Variants in PDIA6 observed in about 807,000 individuals in gnomAD.
PDIA6 encodes protein disulfide-isomerase A6.
Under a neutral mutation model 58.4 loss-of-function variants are expected in PDIA6, and 29 were observed. That is an observed-to-expected ratio of 0.50 (90% CI 0.37 to 0.68). The LOEUF (loss-of-function observed/expected upper bound fraction) is 0.68. PDIA6 is among the 30% of genes least tolerant of loss of function. The pLI is 0.00. For synonymous variants in PDIA6, 192 were observed against 202.6 expected, an observed-to-expected ratio of 0.95 and a Z score of 0.44; for missense variants, 480 against 551.0, an observed-to-expected ratio of 0.87 and a Z score of 1.29.
chr2:10,837,453 A>G (rs189572404), upstream of PDIA6: 4 of 661,966 alleles, frequency 6.0e-6, no homozygotes, highest in African/African-American at 1.8e-5. Flanking sequence ...AAAAAATAAG[A>G]TGAAGCCAGG....
intron 1 of PDIA6, among the ~76,000 whole-genome samples, chr2:10,811,501 AACAGAAAGACATGT>A (rs6146627): frequency 0.49 from 74,045 of 151,976 alleles, 19,572 homozygotes; most frequent in South Asian, 0.58. Context: ...TGTCTCAAAA[AACAGAAAGACATGT>A]ACTAACTCAT....
At chr2:10,818,544 G>T (rs1667283865) in intron 2 of PDIA6, among the ~76,000 whole-genome samples, 1 of 147,028 alleles carries the variant, frequency 6.8e-6, no homozygotes, top group Non-Finnish European at 1.5e-5. Context: ...ATTTTGAGAT[G>T]GAGTTTTGCT....
At position 10,783,398 on chromosome 2, in the gene PDIA6, C is replaced by G; in HGVS notation, c.*860G>C. On this transcript the variant is annotated 3_prime_UTR_variant, in exon 13 of 13. Coordinates refer to ENST00000272227, the MANE Select transcript of PDIA6 (RefSeq NM_005742.4). Reference sequence around the variant, plus strand: ...AGAAATTGCTCACAAAAGTTAGTGACAGTTGTATTTATTTTTTTAAGTTAC... The same window carrying G: ...AGAAATTGCTCACAAAAGTTAGTGAGAGTTGTATTTATTTTTTTAAGTTAC... 3 of 549,316 alleles carry G rather than the reference C, an allele frequency of 5.5e-6. No homozygotes were observed. Among genetic ancestry groups the G allele is most frequent in the Non-Finnish European group, 9.5e-6 (3 of 314,438 alleles). The allele number at this position is 549,316 out of a possible 1,614,324, so 34.0% of individuals were successfully genotyped here. A position where few individuals can be genotyped will look rare whatever the true frequency, so the allele number is the denominator to read the frequency against.
At chr2:10,789,558 A>G (rs1369793338) in intron 8 of PDIA6, among the ~76,000 whole-genome samples, 191 bp downstream of exon 8, 1 of 152,252 alleles carries the variant, frequency 6.6e-6, no homozygotes, top group Non-Finnish European at 1.5e-5. Flanking sequence ...ATTTCTGTTC[A>G]GTGTAATTAT....
At chr2:10,789,032 C>T (rs1474743023) in intron 8 of PDIA6, 51 bp from the exon 9 acceptor site, 3 of 1,348,354 alleles carry the variant, frequency 2.2e-6, no homozygotes, top group African/African-American at 1.4e-5. Flanking sequence ...TGATACAACA[C>T]CTAAAGGTAA....
upstream of PDIA6, chr2:10,812,949 G>T: frequency 1.5e-6 from 1 of 660,514 alleles, no homozygotes; most frequent in Non-Finnish European, 2.0e-6. Flanking sequence ...TTTTTTCACG[G>T]GGGCGGTGGC....
rs374022437 is a variant in PDIA6 at position 10,786,539 on chromosome 2, C to A, written c.1157+742G>T. On this transcript the variant is annotated intron_variant, in intron 11 of 12. Transcript: ENST00000272227. ...CACACAGCACACACACACGTCTCCACACAGCACACAAACTTCTGTGTCAAG... is the reference window on the plus strand; with the variant it reads ...CACACAGCACACACACACGTCTCCAAACAGCACACAAACTTCTGTGTCAAG... Among the ~76,000 whole-genome samples the A allele has an allele frequency of 3.1e-4, 44 of 143,234 alleles. No individual in the cohort carries two copies. In the East Asian group the frequency reaches 4.1e-3, roughly 13 times the overall value. 94.0% of individuals were successfully genotyped at this position (143,234 alleles called of 152,430 possible). A position where few individuals can be genotyped will look rare whatever the true frequency, so the allele number is the denominator to read the frequency against.
upstream of PDIA6, among the ~76,000 whole-genome samples, chr2:10,836,861 G>A (rs978782912): frequency 7.2e-5 from 11 of 152,166 alleles, no homozygotes; most frequent in African/African-American, 2.7e-4. Context: ...AGCAGACAGG[G>A]TTATGGGGAC....
rs535212030 is a variant in PDIA6, at chr2:10,790,691, A to G, written c.699+28T>C. 246 of 1,490,208 alleles carry G rather than the reference A, an allele frequency of 1.7e-4. 4 individuals are homozygous for G. The South Asian group carries it at 2.6e-3, about 16-fold the overall frequency. The allele number at this position is 1,490,208 out of a possible 1,614,324, so 92.3% of individuals were successfully genotyped here. A position where few individuals can be genotyped will look rare whatever the true frequency, so the allele number is the denominator to read the frequency against. The stretch of plus-strand genomic sequence containing the variant: ...GTAACGAAACACCATGTATTTCACA[A>G]TGAAATGAGCCTTATAAGTATACTC... On this transcript the variant is annotated intron_variant, in intron 7 of 12. Transcript: ENST00000272227.
chr2:10,803,813 T>C (rs1361556726), intron 1 of PDIA6, among the ~76,000 whole-genome samples: 1 of 152,052 alleles, frequency 6.6e-6, no homozygotes, highest in Non-Finnish European at 1.5e-5. Context: ...CTGTGGATTA[T>C]AATGGAGCTT....
At chr2:10,820,923 G>T (rs917918434) in intron 1 of PDIA6, 2 of 695,800 alleles carry the variant, frequency 2.9e-6, no homozygotes, top group Non-Finnish European at 5.3e-6. Context: ...AGCGTCCTAA[G>T]AGTCAGGAAG....
intron 5 of PDIA6, 93 bp from the exon 6 acceptor site, chr2:10,792,018 G>T: frequency 7.6e-7 from 1 of 1,320,150 alleles, no homozygotes; most frequent in Non-Finnish European, 1.0e-6. Flanking sequence ...TCTTAACAAA[G>T]TTTTAGGGTT....
upstream of PDIA6, among the ~76,000 whole-genome samples, chr2:10,816,907 A>T (rs931696150): frequency 1.3e-5 from 2 of 152,218 alleles, no homozygotes; most frequent in Non-Finnish European, 2.9e-5. Flanking sequence ...TGCTTGGCAC[A>T]CTATAGGCTT....
chr2:10,788,571 A>AAG, intron 10 of PDIA6, 126 bp downstream of exon 10: 1 of 687,784 alleles, frequency 1.5e-6, no homozygotes, highest in East Asian at 2.6e-5. Flanking sequence ...CAGGAGGGAA[A>AAG]AAAAAAAAAA....
chr2:10,796,831 G>A (rs1031746876), intron 4 of PDIA6, among the ~76,000 whole-genome samples: 2 of 152,212 alleles, frequency 1.3e-5, no homozygotes, highest in Non-Finnish European at 2.9e-5. Flanking sequence ...GGGTAGCACA[G>A]AACACTATTT....
rs1052045164 is a variant in PDIA6 at position 10,831,941 on chromosome 2, G to A, written c.-48+261C>T. Among the ~76,000 whole-genome samples, 5 of 142,892 alleles carry A rather than the reference G, an allele frequency of 3.5e-5. No individual in the cohort carries two copies. In the East Asian group the frequency reaches 1.1e-3, roughly 31 times the overall value. The allele number at this position is 142,892 out of a possible 152,430, so 93.7% of individuals were successfully genotyped here. On this transcript the variant is annotated intron_variant, in intron 1 of 13. Coordinates refer to the PDIA6 transcript ENST00000381611. The stretch of plus-strand genomic sequence containing the variant: ...TCTGCTGGGCGCTGAGGGCAGAGGC[G>A]GGCAAGCCAGGGTCCCCTGGAGCTA...
upstream of PDIA6, chr2:10,832,567 A>G: frequency 3.6e-6 from 1 of 278,482 alleles, no homozygotes; most frequent in Non-Finnish European, 5.4e-6. Context: ...GTGGGATTTG[A>G]GCTGTGCGCT....
chr2:10,805,111 A>T (rs1425303493), intron 1 of PDIA6, among the ~76,000 whole-genome samples: 3 of 151,264 alleles, frequency 2.0e-5, no homozygotes, highest in African/African-American at 7.3e-5. Context: ...CTACCATCAG[A>T]GTGAACAGGC....
intron 5 of PDIA6, among the ~76,000 whole-genome samples, chr2:10,792,692 C>T (rs1390245805): frequency 6.6e-6 from 1 of 152,022 alleles, no homozygotes. Context: ...GTAGAATTTT[C>T]CATGGATTTG....
Sources: allele counts gnomAD v4.1 joint callset (sites outside exome capture counted in the v4.1 genomes callset), GRCh38; gene constraint gnomAD v4.1.1; transcripts MANE v1.5; gene names NCBI Gene and HGNC (gene_info 2026-07-23, HGNC 2026-07-21).